ZNF585B: variants seen among roughly 807,000 people sequenced by gnomAD.
The protein encoded by ZNF585B is zinc finger protein 41-like protein.
In ZNF585B, 7 loss-of-function variants were observed where a neutral mutation model predicts 14.0. The ratio of observed to expected loss-of-function variants is 0.50; its 90% CI spans 0.28 to 0.94. The LOEUF is 0.94. Among genes scored for constraint, ZNF585B ranks in the 40% least tolerant of loss-of-function variants. The probability of loss-of-function intolerance (pLI) is 0.09; values close to 1 mark genes in which losing one functional copy is unlikely to be tolerated. For synonymous variants in ZNF585B, 290 were observed against 317.3 expected, an observed-to-expected ratio of 0.91 and a Z score of 0.91; for missense variants, 750 against 924.4, an observed-to-expected ratio of 0.81 and a Z score of 2.45.
chr19:37,193,212 C>T (rs1295953016), intron 2 of ZNF585B, among the ~76,000 whole-genome samples: 1 of 152,058 alleles, frequency 6.6e-6, no homozygotes, highest in Non-Finnish European at 1.5e-5. Flanking sequence ...TGGCTCACAC[C>T]TGTAATCCCA....
intron 2 of ZNF585B, among the ~76,000 whole-genome samples, chr19:37,202,935 G>A (rs924950759): frequency 1.3e-5 from 2 of 152,092 alleles, no homozygotes; most frequent in African/African-American, 2.4e-5. Context: ...GAGCCACCAC[G>A]CCCAGCCCTA....
chr19:37,184,390 AAGAAAGAAAGAAAGAAAGAAAGAAAG>A lies in ZNF585B; in HGVS notation c.*811_*836del, dbSNP rs1338228081. ...AAAGAAAGAAAGAAAGAAAGAAAGA[AAGAAAGAAAGAAAGAAAGAAAGAAAG>A]AGAAAGAAAGAAAAAGAAAGAAAGA... On this transcript the variant is annotated 3_prime_UTR_variant, in exon 5 of 5. Transcript: ENST00000532828. 468 of 62,788 alleles carry A rather than the reference AAGAAAGAAAGAAAGAAAGAAAGAAAG, an allele frequency of 7.5e-3. 25 individuals carry two copies. Among genetic ancestry groups the A allele is most frequent in the African/African-American group, 0.028 (356 of 12,592 alleles). 3.9% of individuals were successfully genotyped at this position (62,788 alleles called of 1,614,324 possible).
At chr19:37,195,127 A>G (rs1972447843) in intron 2 of ZNF585B, among the ~76,000 whole-genome samples, 3 of 151,534 alleles carry the variant, frequency 2.0e-5, no homozygotes, top group African/African-American at 4.8e-5. Flanking sequence ...GGTGGATCAC[A>G]TGAGGTCAGG....
chr19:37,201,089 C>CAAA lies in ZNF585B; in HGVS notation c.72+5948_72+5950dup, dbSNP rs34379718. Among the ~76,000 whole-genome samples, 844 of 106,656 alleles carry CAAA rather than the reference C, an allele frequency of 7.9e-3. 12 individuals are homozygous for CAAA. The highest frequency in any genetic ancestry group is 0.026 in the African/African-American group (798 of 30,300). 70.0% of individuals were successfully genotyped at this position (106,656 alleles called of 152,430 possible). A position where few individuals can be genotyped will look rare whatever the true frequency, so the allele number is the denominator to read the frequency against. Reference sequence around the variant, plus strand: ...CTGGCAACAGAGCAAGACTCCGTCTCAAAAAAAAAAAAAAAAAATTATCTT... The same window carrying CAAA: ...CTGGCAACAGAGCAAGACTCCGTCTCAAAAAAAAAAAAAAAAAAAAATTATCTT... On this transcript the variant is annotated intron_variant, in intron 2 of 4. Coordinates refer to ENST00000532828, the MANE Select transcript of ZNF585B (RefSeq NM_152279.4).
At chr19:37,190,333 C>T (rs1430634129) in intron 2 of ZNF585B, 183 bp from the exon 3 acceptor site, 13 of 706,414 alleles carry the variant, frequency 1.8e-5, no homozygotes, top group Middle Eastern at 3.3e-4. Context: ...GCAACCTCCA[C>T]CTCCCGGGTT....
At chr19:37,188,433 C>A (rs1972363508) in intron 4 of ZNF585B, among the ~76,000 whole-genome samples, 1 of 152,130 alleles carries the variant, frequency 6.6e-6, no homozygotes, top group Non-Finnish European at 1.5e-5. Flanking sequence ...TTGCAGTGAG[C>A]CGAGATCGTG....
rs957538839 is a variant in ZNF585B at position 37,184,986 on chromosome 19, A to G, written c.*241T>C. On this transcript the variant is annotated 3_prime_UTR_variant, in exon 5 of 5. Coordinates refer to ENST00000532828, the MANE Select transcript of ZNF585B (RefSeq NM_152279.4). ...ATGAGAAGGCTTTTCCTATTCACCA[A>G]ATTGACTCGGTTCCTTGTCAGTATG... is the stretch of plus-strand genomic sequence containing the variant. 2.2e-6 allele frequency: 1 copy of G among 458,516 alleles called. No individual in the cohort carries two copies. Among genetic ancestry groups the G allele is most frequent in the Non-Finnish European group, 3.8e-6 (1 of 261,002 alleles). The allele number at this position is 458,516 out of a possible 1,614,324, so 28.4% of individuals were successfully genotyped here.
rs1242530231 is a variant in ZNF585B at position 37,186,511 on chromosome 19, A to G, written c.1026T>C (p.Ile342=). Residue 342 remains isoleucine (I), a synonymous_variant, in exon 5 of 5, where the codon ATT becomes ATC. Transcript: ENST00000532828. ...GKVFSNNSNL[I]THEKIQSREK... is the part of the protein sequence containing the mutation. ...CTCTACTTTGAATCTTCTCATGTGT[A>G]ATGAGGTTGGAATTATTGCTGAAGA... The G allele has an allele frequency of 6.2e-7, 1 of 1,614,214 alleles. No individual in the cohort carries two copies. The highest frequency in any genetic ancestry group is 1.1e-5 in the South Asian group (1 of 91,084).
intron 2 of ZNF585B, among the ~76,000 whole-genome samples, chr19:37,196,910 C>G (rs1972471119): frequency 6.6e-6 from 1 of 152,160 alleles, no homozygotes; most frequent in South Asian, 2.1e-4. Flanking sequence ...TTTTCAACTG[C>G]ACAGAGGTTA....
At chr19:37,189,935 C>T (rs889171366) in intron 3 of ZNF585B, 89 bp downstream of exon 3, 115 of 1,582,718 alleles carry the variant, frequency 7.3e-5, no homozygotes, top group Non-Finnish European at 9.4e-5. Flanking sequence ...AAACCATCAC[C>T]TATCTAAGAT....
intron 2 of ZNF585B, among the ~76,000 whole-genome samples, chr19:37,200,330 T>C (rs1465774661): frequency 2.6e-5 from 4 of 151,180 alleles, no homozygotes; most frequent in African/African-American, 9.7e-5. Flanking sequence ...GGTGGGTAGA[T>C]CATGAGGTCA....
intron 2 of ZNF585B, among the ~76,000 whole-genome samples, chr19:37,190,982 T>C (rs534889152): frequency 6.6e-6 from 1 of 152,216 alleles, no homozygotes; most frequent in Non-Finnish European, 1.5e-5. Context: ...ATCTACTACT[T>C]AGATCTACCA....
chr19:37,196,508 G>A (rs1431719692), intron 2 of ZNF585B, among the ~76,000 whole-genome samples: 5 of 152,066 alleles, frequency 3.3e-5, no homozygotes, highest in Admixed American at 6.6e-5. Flanking sequence ...AACTATGTGG[G>A]TCCATTTGTA....
chr19:37,195,271 G>T (rs145622937), intron 2 of ZNF585B, among the ~76,000 whole-genome samples: 2,059 of 146,344 alleles, frequency 0.014, 53 homozygotes, highest in African/African-American at 0.049. Flanking sequence ...ACTGGAACCC[G>T]GGAGGAGGAG....
intron 2 of ZNF585B, among the ~76,000 whole-genome samples, chr19:37,202,036 T>C (rs1423570892): frequency 6.6e-6 from 1 of 152,200 alleles, no homozygotes; most frequent in Non-Finnish European, 1.5e-5. Flanking sequence ...TTTTTCTTTT[T>C]TGAGACAGAG....
Position 37,190,021 on chromosome 19 carries a change from T to C in ZNF585B, c.199+3A>G. ...TTTCAGATACCAAGGTGACTGTGCT[T>C]ACCTACTGAGAGCAGGTGGCTGTAG... On this transcript the variant is annotated splice_donor_region_variant and intron_variant, in intron 3 of 4. Transcript: ENST00000532828. 1 of 1,614,016 alleles carries C rather than the reference T, an allele frequency of 6.2e-7. No individual in the cohort carries two copies. Among genetic ancestry groups the C allele is most frequent in the Non-Finnish European group, 8.5e-7 (1 of 1,179,966 alleles).
Position 37,190,064 on chromosome 19 carries a change from C to G in ZNF585B, c.159G>C (p.Arg53=). The G allele has an allele frequency of 6.2e-7, 1 of 1,614,058 alleles. No homozygotes were observed. The highest frequency in any genetic ancestry group is 8.5e-7 in the Non-Finnish European group (1 of 1,180,008). ...GGCTGTAGGTCTCCAGCATCACATC[C>G]CGGTACAGGTTTCTCTGAGAAAGGT... The part of the protein sequence containing the change: ...HLDLSQRNLY[R]DVMLETYSHL... Residue 53 remains arginine, a synonymous_variant, in exon 3 of 5, where the codon CGG becomes CGC. Transcript: ENST00000532828.
chr19:37,196,854 G>A (rs1423095033), intron 2 of ZNF585B, among the ~76,000 whole-genome samples: 1 of 152,052 alleles, frequency 6.6e-6, no homozygotes. Flanking sequence ...TTAACAGCAG[G>A]CTATCAGTAG....
Position 37,186,595 on chromosome 19 carries a change from C to T in ZNF585B, c.942G>A (p.Gln314=). Residue 314 remains glutamine, a synonymous_variant, in exon 5 of 5, where the codon CAG becomes CAA. Transcript: ENST00000532828. ...GKSFISKSQL[Q]VHQRVHTRVK... ...CTCTTGTGTGAACACGTTGATGTAC[C>T]TGAAGTTGTGACTTGGAAATGAAGG... The T allele has an allele frequency of 5.6e-6, 9 of 1,614,138 alleles. No homozygotes were observed. The highest frequency in any genetic ancestry group is 6.8e-6 in the Non-Finnish European group (8 of 1,180,038).
Sources: allele counts gnomAD v4.1 joint callset (sites outside exome capture counted in the v4.1 genomes callset), GRCh38; gene constraint gnomAD v4.1.1; transcripts MANE v1.5; gene names NCBI Gene and HGNC (gene_info 2026-07-23, HGNC 2026-07-21).